TSC22D2: variants seen among roughly 807,000 people sequenced by gnomAD.
TSC22D2 encodes TSC22 domain family protein 2.
Under a neutral mutation model 50.1 loss-of-function variants are expected in TSC22D2, and 5 were observed. That is an observed-to-expected ratio of 0.10 (90% CI 0.05 to 0.21). The LOEUF is 0.21. TSC22D2 is among the 10% of genes least tolerant of loss of function. The probability of loss-of-function intolerance (pLI) is 1.00; values close to 1 mark genes in which losing one functional copy is unlikely to be tolerated. For synonymous variants in TSC22D2, 501 were observed against 450.1 expected, an observed-to-expected ratio of 1.11 and a Z score of -1.43; for missense variants, 1,003 against 1,015.5, an observed-to-expected ratio of 0.99 and a Z score of 0.17.
chr3:150,410,499 G>C lies in TSC22D2; in HGVS notation c.1149G>C (p.Gln383His). 1 of 1,599,954 alleles carries C rather than the reference G, an allele frequency of 6.3e-7. No homozygotes were observed. Among genetic ancestry groups the C allele is most frequent in the Non-Finnish European group, 8.5e-7 (1 of 1,174,740 alleles). ...QPSGQSEYLQ[Q>H]HVAGLQPPSP... ...CCGGCCAGAGTGAGTACCTGCAGCA[G>C]CACGTGGCCGGCCTGCAGCCGCCAA... Residue 383 changes from glutamine (Q) to histidine (H), a missense_variant, in exon 1 of 3, where the codon CAG (glutamine) becomes CAC (histidine). By Grantham distance (24) the Gln-to-His change is conservative. Coordinates refer to ENST00000688009, the MANE Select transcript of TSC22D2 (RefSeq NM_001303264.2).
chr3:150,409,305 A>T lies in TSC22D2; in HGVS notation c.-46A>T, dbSNP rs1196552109. 6.5e-7 allele frequency: 1 copy of T among 1,545,250 alleles called. No homozygotes were observed. Among genetic ancestry groups the T allele is most frequent in the African/African-American group, 1.4e-5 (1 of 72,674 alleles). The stretch of plus-strand genomic sequence containing the variant: ...TCTGCCCTCCCCGGTTTCCGACAGG[A>T]CCCAGAGGAGCCGGCGTGCCTCTCT... On this transcript the variant is annotated 5_prime_UTR_variant, in exon 1 of 3. Coordinates refer to ENST00000688009, the MANE Select transcript of TSC22D2 (RefSeq NM_001303264.2). The surrounding 1 kb of genome is among the most constrained non-coding windows in gnomAD (Gnocchi z 7.4).
chr3:150,457,267 G>A (rs1721219202), intron 2 of TSC22D2, 140 bp downstream of exon 2: 2 of 772,824 alleles, frequency 2.6e-6, no homozygotes, highest in African/African-American at 3.6e-5. Flanking sequence ...AGATTTAGTT[G>A]AAGATGCTAG....
chr3:150,440,997 T>C (rs1179997906), intron 1 of TSC22D2, among the ~76,000 whole-genome samples: 1 of 150,788 alleles, frequency 6.6e-6, no homozygotes, highest in East Asian at 1.9e-4. Context: ...AACAACGTGA[T>C]AGGTCATCAG....
intron 1 of TSC22D2, among the ~76,000 whole-genome samples, chr3:150,411,650 G>C (rs1365726661): frequency 1.3e-5 from 2 of 152,096 alleles, no homozygotes; most frequent in Admixed American, 1.3e-4. Context: ...AATCACACTT[G>C]AACACGTAAG....
rs568262111 is a variant in TSC22D2 at position 150,459,990 on chromosome 3, A to G, written c.*1354A>G. ...ATACTGAGTATTTAAATTAAAATGT[A>G]CATTTCATAAATACAGTTTCAAAAG... is the stretch of plus-strand genomic sequence containing the variant. On this transcript the variant is annotated 3_prime_UTR_variant, in exon 3 of 3. Transcript: ENST00000688009. The G allele has an allele frequency of 6.6e-6, 1 of 152,338 alleles. No individual in the cohort carries two copies. Among genetic ancestry groups the G allele is most frequent in the South Asian group, 2.1e-4 (1 of 4,828 alleles). 9.4% of individuals were successfully genotyped at this position (152,338 alleles called of 1,614,324 possible).
At chr3:150,420,261 C>G (rs1719961576) in intron 1 of TSC22D2, among the ~76,000 whole-genome samples, 1 of 152,152 alleles carries the variant, frequency 6.6e-6, no homozygotes, top group South Asian at 2.1e-4. Flanking sequence ...ATCTGTTAGT[C>G]AGTGTTTGGA....
intron 1 of TSC22D2, among the ~76,000 whole-genome samples, chr3:150,424,295 A>G (rs2108072412): frequency 6.6e-6 from 1 of 152,296 alleles, no homozygotes; most frequent in African/African-American, 2.4e-5. Flanking sequence ...AATCTTTCAA[A>G]TAGTTTTCCA....
intron 1 of TSC22D2, among the ~76,000 whole-genome samples, chr3:150,435,603 T>C (rs1335553111): frequency 6.6e-6 from 1 of 152,174 alleles, no homozygotes; most frequent in Non-Finnish European, 1.5e-5. Context: ...TCTTATAGAA[T>C]TTTCAGAATC....
intron 1 of TSC22D2, among the ~76,000 whole-genome samples, chr3:150,442,986 G>A (rs11711035): frequency 0.38 from 57,917 of 151,996 alleles, 11,442 homozygotes; most frequent in Middle Eastern, 0.54. Flanking sequence ...TATAACTCCA[G>A]AACCAATGCC....
Position 150,411,066 on chromosome 3 carries a change from A to G in TSC22D2, c.1716A>G (p.Leu572=). The change falls in exon 1 of 3, where the codon CTA becomes CTG. Residue 572 remains leucine (L), a synonymous_variant. Coordinates refer to ENST00000688009, the MANE Select transcript of TSC22D2 (RefSeq NM_001303264.2). ...GCACACACAGCGCACCAACAAGTCT[A>G]CCACAGTCTGACCTAAGCCAGTTTC... The part of the protein sequence containing the change: ...APGTHSAPTS[L]PQSDLSQFQT... 6.2e-7 allele frequency: 1 copy of G among 1,614,172 alleles called. No homozygotes were observed. The highest frequency in any genetic ancestry group is 1.3e-5 in the African/African-American group (1 of 75,052).
At chr3:150,431,841 C>G (rs377388034) in intron 1 of TSC22D2, among the ~76,000 whole-genome samples, 1 of 152,046 alleles carries the variant, frequency 6.6e-6, no homozygotes, top group African/African-American at 2.4e-5. Flanking sequence ...ATGTACTTCC[C>G]TTTCTGTACT....
At chr3:150,445,847 G>A (rs1175089052) in intron 1 of TSC22D2, among the ~76,000 whole-genome samples, 1 of 152,144 alleles carries the variant, frequency 6.6e-6, no homozygotes, top group Non-Finnish European at 1.5e-5. Flanking sequence ...TGTAATTCCA[G>A]CACTTTGGGA....
intron 1 of TSC22D2, among the ~76,000 whole-genome samples, chr3:150,422,036 T>C (rs893733057): frequency 6.6e-6 from 1 of 152,222 alleles, no homozygotes; most frequent in African/African-American, 2.4e-5. Context: ...CTCTATGAGA[T>C]GGGAGTAATA....
intron 2 of TSC22D2, among the ~76,000 whole-genome samples, chr3:150,457,739 G>C (rs1415106473): frequency 6.6e-6 from 1 of 152,158 alleles, no homozygotes; most frequent in Non-Finnish European, 1.5e-5. Context: ...AGGTTCAAGT[G>C]ATTCTCCTGC....
intron 1 of TSC22D2, among the ~76,000 whole-genome samples, chr3:150,420,074 T>G (rs1719955340): frequency 1.3e-5 from 2 of 152,206 alleles, no homozygotes; most frequent in South Asian, 4.1e-4. Flanking sequence ...TCAGGTTTCA[T>G]GGACTGTAAC....
rs1207608186 is a variant in TSC22D2, at chr3:150,459,510, G to A, written c.*874G>A. 6.8e-6 allele frequency: 1 copy of A among 147,818 alleles called. No individual in the cohort carries two copies. The highest frequency in any genetic ancestry group is 2.5e-5 in the African/African-American group (1 of 40,086). 9.2% of individuals were successfully genotyped at this position (147,818 alleles called of 1,614,324 possible). A position where few individuals can be genotyped will look rare whatever the true frequency, so the allele number is the denominator to read the frequency against. On this transcript the variant is annotated 3_prime_UTR_variant, in exon 3 of 3. Coordinates refer to ENST00000688009, the MANE Select transcript of TSC22D2 (RefSeq NM_001303264.2). Reference sequence around the variant, plus strand: ...GGTGGGAATAAAAAGCTGTGAAATTGTTCAACCTACTTTGTAACCAAAGAA... The same window carrying A: ...GGTGGGAATAAAAAGCTGTGAAATTATTCAACCTACTTTGTAACCAAAGAA...
intron 1 of TSC22D2, among the ~76,000 whole-genome samples, chr3:150,436,522 T>C (rs1720549169): frequency 6.6e-6 from 1 of 152,196 alleles, no homozygotes; most frequent in African/African-American, 2.4e-5. Flanking sequence ...CTATAAAAAG[T>C]AAATCTTCAA....
intron 1 of TSC22D2, among the ~76,000 whole-genome samples, chr3:150,445,891 C>T (rs1720871633): frequency 6.6e-6 from 1 of 151,836 alleles, no homozygotes; most frequent in African/African-American, 2.4e-5. Context: ...GTCAGGAGTT[C>T]GAGACCAGCC....
chr3:150,410,352 G>A lies in TSC22D2; in HGVS notation c.1002G>A (p.Pro334=), dbSNP rs777970939. 4.4e-6 allele frequency: 7 copies of A among 1,596,248 alleles called. No individual in the cohort carries two copies. The African/African-American group carries it at 5.4e-5, about 12-fold the overall frequency. ...CGACGAATGTAACCCTGGCGCAGCC[G>A]GCTATGTCCCTGCCTCCGCAGCCGG... The part of the protein sequence containing the change: ...LPPTNVTLAQ[P]AMSLPPQPGP... Residue 334 remains proline (P), a synonymous_variant, in exon 1 of 3, where the codon CCG becomes CCA. Coordinates refer to ENST00000688009, the MANE Select transcript of TSC22D2 (RefSeq NM_001303264.2).
Sources: allele counts gnomAD v4.1 joint callset (sites outside exome capture counted in the v4.1 genomes callset), GRCh38; gene constraint gnomAD v4.1.1; non-coding constraint Gnocchi (gnomAD v3.1); transcripts MANE v1.5; gene names NCBI Gene and HGNC (gene_info 2026-07-23, HGNC 2026-07-21).